APOL5: variants seen among roughly 807,000 people sequenced by gnomAD.
The protein encoded by APOL5 is apolipoprotein L5, also known as apolipoprotein L, 5.
APOL5 carries 29 observed loss-of-function variants against 35.5 expected under a neutral mutation model. The ratio of observed to expected loss-of-function variants is 0.82; its 90% CI spans 0.61 to 1.11. APOL5 has a LOEUF of 1.11. Among genes scored for constraint, APOL5 ranks in the 50% most tolerant of loss-of-function variants. The pLI is 0.00. For synonymous variants in APOL5, 188 were observed against 200.2 expected (o/e 0.94, Z 0.51); for missense variants, 514 against 530.4 (o/e 0.97, Z 0.30).
At chr22:35,723,381 A>G (rs962465298) in intron 2 of APOL5, among the ~76,000 whole-genome samples, 2 of 152,216 alleles carry the variant, frequency 1.3e-5, no homozygotes, top group African/African-American at 4.8e-5. Flanking sequence ...CACACGCTGG[A>G]AACCCCAAAT....
At chr22:35,712,304 C>T in the APOL5 span, among the ~76,000 whole-genome samples, 8 of 152,202 alleles carry the variant, frequency 5.3e-5, no homozygotes, top group South Asian at 2.1e-4. Flanking sequence ...CCACCACACC[C>T]GGCTCATTTT....
At position 35,720,557 on chromosome 22, in the gene APOL5, T is replaced by A; in HGVS notation, c.56-11T>A. 2.5e-6 allele frequency: 4 copies of A among 1,613,522 alleles called. No homozygotes were observed. The highest frequency in any genetic ancestry group is 3.4e-6 in the Non-Finnish European group (4 of 1,179,516). On this transcript the variant is annotated splice_polypyrimidine_tract_variant and intron_variant, in intron 1 of 4. Coordinates refer to ENST00000249044, the MANE Select transcript of APOL5 (RefSeq NM_030642.1). ...CAAGAAGAAATGTCCCTGATCCTTG[T>A]CCATCTCCAGGCTTGGGAGAAGGTT...
chr22:35,726,129 G>A (rs981138764), intron 2 of APOL5, 82 bp from the exon 3 acceptor site: 1 of 1,493,148 alleles, frequency 6.7e-7, no homozygotes, highest in Admixed American at 2.1e-5. Context: ...TTTTGCAAAG[G>A]TGGTTTCGAC....
chr22:35,716,036 A>G (rs1251588002), upstream of APOL5, among the ~76,000 whole-genome samples: 1 of 152,226 alleles, frequency 6.6e-6, no homozygotes, highest in Non-Finnish European at 1.5e-5. Context: ...TTCTACATCC[A>G]AGAGATAACC....
At chr22:35,720,445 T>G in intron 1 of APOL5, 123 bp from the exon 2 acceptor site, 1 of 576,758 alleles carries the variant, frequency 1.7e-6, no homozygotes, top group Non-Finnish European at 2.9e-6. Flanking sequence ...TTTTGTTGTA[T>G]TCTTTTTTTT....
chr22:35,724,546 G>A lies in APOL5; in HGVS notation c.143-1665G>A, dbSNP rs185988617. ...GGAAAAGACTTGGTGACCAAAGTCA[G>A]TAAAGCTTTTAAGTTACATTTTATT... On this transcript the variant is annotated intron_variant, in intron 2 of 4. Transcript: ENST00000249044. Among the ~76,000 whole-genome samples, 644 of 152,212 alleles carry A rather than the reference G, an allele frequency of 4.2e-3. 1 individual carries two copies. Among genetic ancestry groups the A allele is most frequent in the African/African-American group, 0.015 (610 of 41,528 alleles).
rs930966143 is a variant in APOL5, at chr22:35,723,931, C to T, written c.143-2280C>T. Among the ~76,000 whole-genome samples, 100 of 152,100 alleles carry T rather than the reference C, an allele frequency of 6.6e-4. 1 individual carries two copies. The highest frequency in any genetic ancestry group is 2.1e-3 in the Admixed American group (32 of 15,276). ...GAGATCGCGCCACTGCACTCCAGCC[C>T]GGGCAATAGAGTGAGACTCCATCTC... On this transcript the variant is annotated intron_variant, in intron 2 of 4. Coordinates refer to ENST00000249044, the MANE Select transcript of APOL5 (RefSeq NM_030642.1).
intron 2 of APOL5, among the ~76,000 whole-genome samples, chr22:35,722,653 C>T (rs1014309566): frequency 1.3e-5 from 2 of 152,084 alleles, no homozygotes; most frequent in Admixed American, 6.6e-5. Flanking sequence ...AGGGAATGTC[C>T]CTCCTTTTTG....
At chr22:35,720,720 A>T in intron 2 of APOL5, 66 bp downstream of exon 2, 1 of 1,158,536 alleles carries the variant, frequency 8.6e-7, no homozygotes, top group Non-Finnish European at 1.3e-6. Flanking sequence ...AGTGTCTGTC[A>T]CAGACCCAGC....
chr22:35,717,235 A>AATATATATATATATATATAT (rs1555930034), upstream of APOL5, among the ~76,000 whole-genome samples: 21 of 57,552 alleles, frequency 3.6e-4, no homozygotes, highest in South Asian at 2.1e-3. Flanking sequence ...AAAAAAAAAA[A>AATATATATATATATATATAT]ATATATATAT....
intron 4 of APOL5, 57 bp downstream of exon 4, chr22:35,728,961 C>G: frequency 6.7e-7 from 1 of 1,488,888 alleles, no homozygotes; most frequent in East Asian, 2.6e-5. Context: ...TGAAGTAACC[C>G]CTCCTTGGGT....
At chr22:35,715,800 G>A (rs1386962699), upstream of APOL5, among the ~76,000 whole-genome samples, 1 of 152,188 alleles carries the variant, frequency 6.6e-6, no homozygotes, top group Non-Finnish European at 1.5e-5. Context: ...CTGCCTTCAA[G>A]GTGAAGCTCC....
At chr22:35,723,094 C>T (rs1174137322) in intron 2 of APOL5, among the ~76,000 whole-genome samples, 3 of 152,206 alleles carry the variant, frequency 2.0e-5, no homozygotes, top group Non-Finnish European at 4.4e-5. Context: ...AGGGCTGGTC[C>T]ACTTGAGGCT....
upstream of APOL5, among the ~76,000 whole-genome samples, chr22:35,714,049 A>C (rs1601891438): frequency 6.6e-6 from 1 of 152,096 alleles, no homozygotes; most frequent in African/African-American, 2.4e-5. Flanking sequence ...CGGTGGCTCA[A>C]GCCTGTAATC....
At chr22:35,718,749 A>G (rs1926853664) in intron 1 of APOL5, among the ~76,000 whole-genome samples, 1 of 152,126 alleles carries the variant, frequency 6.6e-6, no homozygotes, top group African/African-American at 2.4e-5. Context: ...TACTTGTATA[A>G]CATTACATTT....
chr22:35,714,237 G>T (rs1048776753), upstream of APOL5, among the ~76,000 whole-genome samples: 5 of 152,180 alleles, frequency 3.3e-5, no homozygotes, highest in African/African-American at 1.2e-4. Context: ...GCTTGAACCT[G>T]GGCGGCGGAG....
chr22:35,715,101 A>C (rs1202506376), upstream of APOL5, among the ~76,000 whole-genome samples: 2 of 152,194 alleles, frequency 1.3e-5, no homozygotes, highest in Non-Finnish European at 2.9e-5. Context: ...CCTATGCATA[A>C]AGCACAAAAG....
chr22:35,710,603 G>A, the APOL5 span, among the ~76,000 whole-genome samples: 1 of 151,962 alleles, frequency 6.6e-6, no homozygotes, highest in Non-Finnish European at 1.5e-5. Flanking sequence ...AGTGGCATTA[G>A]GTATATTCAC....
In APOL5 at chr22:35,726,604, C is replaced by T. The variant is rs1927169306; in HGVS notation, c.536C>T (p.Ala179Val). The T allele has an allele frequency of 5.0e-6, 8 of 1,614,200 alleles. No individual in the cohort carries two copies. Among genetic ancestry groups the T allele is most frequent in the Non-Finnish European group, 5.1e-6 (6 of 1,180,040 alleles). Residue 179 changes from alanine to valine, a missense_variant, in exon 3 of 5, where the codon GCA becomes GTA. Around this residue, in one of 3 missense-constraint regions of APOL5, gnomAD observed 254 missense variants for 254.7 expected, o/e 1.00. Coordinates refer to ENST00000249044, the MANE Select transcript of APOL5 (RefSeq NM_030642.1). ...GCAACTGGGACAGGGTTGGGGGCAGCAGCTGCCATCACCAACATAGTAACA... is the reference window on the plus strand; with the variant it reads ...GCAACTGGGACAGGGTTGGGGGCAGTAGCTGCCATCACCAACATAGTAACA... ...LSATGTGLGA[A>V]AAITNIVTNV...
Sources: gnomAD v4.1 joint callset for allele counts (sites outside exome capture counted in the v4.1 genomes callset) on GRCh38, gnomAD v4.1.1 for gene constraint, gnomAD v4.1.1 regional missense constraint, MANE v1.5 for transcripts, NCBI Gene and HGNC (gene_info 2026-07-23, HGNC 2026-07-21) for gene names.